Variants in CASK observed in about 807,000 individuals in gnomAD.
CASK encodes the protein calcium/calmodulin dependent serine protein kinase.
Under a neutral mutation model 82.9 loss-of-function variants are expected in CASK, and 4 were observed. The observed-to-expected ratio is 0.05, with a 90% CI of 0.02 to 0.11. The LOEUF (loss-of-function observed/expected upper bound fraction) is 0.11, where lower values mean the gene tolerates loss of function less well. Among genes scored for constraint, CASK ranks in the 10% least tolerant of loss-of-function variants. The pLI is 1.00. For synonymous variants in CASK, 259 were observed against 253.5 expected, an observed-to-expected ratio of 1.02 and a Z score of -0.20; for missense variants, 358 against 720.9, an observed-to-expected ratio of 0.50 and a Z score of 5.76.
intron 13 of CASK, chrX:41,587,817 G>C (rs764291377): frequency 8.9e-6 from 1 of 112,182 alleles, no homozygotes; most frequent in African/African-American, 3.2e-5. Context: ...TTCTTTTTCT[G>C]AGTAAACACC....
rs182427237 is a variant in CASK, at chrX:41,603,742, A to G, written c.1155+6162T>C. On this transcript the variant is annotated intron_variant, in intron 12 of 26. Coordinates refer to ENST00000378163, the MANE Select transcript of CASK (RefSeq NM_001367721.1). ...TGGGGGCATTTACTATGGAAACAGC[A>G]GTGCGTAACAAATGCTAACAGCTGT... Among the ~76,000 whole-genome samples, 31 of 112,119 alleles carry G rather than the reference A, an allele frequency of 2.8e-4. 1 individual carries two copies. Among genetic ancestry groups the G allele is most frequent in the Non-Finnish European group, 7.5e-5 (4 of 53,260 alleles).
intron 12 of CASK, among the ~76,000 whole-genome samples, chrX:41,608,985 T>C (rs747724880): frequency 8.9e-6 from 1 of 112,681 alleles, no homozygotes; most frequent in Non-Finnish European, 1.9e-5. Flanking sequence ...TGTACTCTAC[T>C]CTTTTTTAAA....
chrX:41,658,064 GAGCTTTTGAA>G (rs972048406), intron 8 of CASK, among the ~76,000 whole-genome samples: 8 of 111,652 alleles, frequency 7.2e-5, no homozygotes, highest in African/African-American at 2.6e-4. Context: ...AGGATTTGGG[GAGCTTTTGAA>G]TAGCTGTACA....
chrX:41,769,372 T>G (rs1312244467), intron 3 of CASK, among the ~76,000 whole-genome samples: 1 of 108,710 alleles, frequency 9.2e-6, no homozygotes, highest in African/African-American at 3.4e-5. Flanking sequence ...ATTTTTAAAC[T>G]TTTTTAGAGA....
chrX:41,822,557 C>CAAAAAAAAAAAA (rs61374081), intron 2 of CASK, among the ~76,000 whole-genome samples: 6 of 50,674 alleles, frequency 1.2e-4, no homozygotes, highest in Admixed American at 3.2e-4. Context: ...GACTCCGTCT[C>CAAAAAAAAAAAA]AAAAAAAAAA....
chrX:41,565,750 C>A (rs1393292913), intron 16 of CASK, among the ~76,000 whole-genome samples: 1 of 111,614 alleles, frequency 9.0e-6, no homozygotes, highest in Non-Finnish European at 1.9e-5. Context: ...CCAACATCAT[C>A]CTGATACCAA....
intron 5 of CASK, chrX:41,726,983 T>A (rs199858723): frequency 2.6e-6 from 2 of 757,318 alleles, no homozygotes; most frequent in Non-Finnish European, 3.8e-6. Context: ...TATCTGCAAT[T>A]CTATTCTAGC....
At position 41,569,730 on chromosome X, in the gene CASK, AT is replaced by A; in HGVS notation, c.1519del (p.Met507Ter). The A allele has an allele frequency of 8.8e-7, 1 of 1,136,400 alleles. No individual in the cohort carries two copies. Among genetic ancestry groups the A allele is most frequent in the Non-Finnish European group, 1.2e-6 (1 of 831,370 alleles). 93.7% of individuals were successfully genotyped at this position (1,136,400 alleles called of 1,213,427 possible). On this transcript the variant is annotated frameshift_variant, in exon 16 of 27. Coordinates refer to ENST00000378163, the MANE Select transcript of CASK (RefSeq NM_001367721.1). LOFTEE classifies it high-confidence loss of function. ...AACAATACAATGATTTAGTTCATTC[AT>A]TTTTAAAGTGATTCCCTGTTAAAAA... is the stretch of plus-strand genomic sequence containing the variant. ...TDEPMGITLK[M>X]NELNHCIVAR...
chrX:41,578,736 A>G (rs2065520826), intron 14 of CASK, among the ~76,000 whole-genome samples: 1 of 111,002 alleles, frequency 9.0e-6, no homozygotes, highest in Non-Finnish European at 1.9e-5. Context: ...CCACAGGTGC[A>G]TGCCACCACA....
intron 1 of CASK, among the ~76,000 whole-genome samples, chrX:41,887,070 T>G (rs933569614): frequency 9.0e-6 from 1 of 110,883 alleles, no homozygotes; most frequent in African/African-American, 3.3e-5. Flanking sequence ...ACAATGATAC[T>G]AGATTTTGCC....
chrX:41,760,593 T>C (rs949405487), intron 3 of CASK, among the ~76,000 whole-genome samples: 14 of 110,937 alleles, frequency 1.3e-4, no homozygotes, highest in African/African-American at 3.9e-4. Flanking sequence ...CAGGGTTTCA[T>C]GGGGTTAGGT....
At chrX:41,766,318 G>A (rs888739014) in intron 3 of CASK, among the ~76,000 whole-genome samples, 4 of 111,763 alleles carry the variant, frequency 3.6e-5, no homozygotes, top group Non-Finnish European at 7.5e-5. Flanking sequence ...AAGCAAATAA[G>A]TATATTAATG....
chrX:41,726,583 G>A (rs1197182993), intron 5 of CASK, among the ~76,000 whole-genome samples: 1 of 112,004 alleles, frequency 8.9e-6, no homozygotes, highest in African/African-American at 3.2e-5. Context: ...TATTGTGGCC[G>A]CAAAATACTT....
At chrX:41,831,983 A>C (rs1601881566) in intron 2 of CASK, among the ~76,000 whole-genome samples, 1 of 110,407 alleles carries the variant, frequency 9.1e-6, no homozygotes, top group African/African-American at 3.3e-5. Flanking sequence ...TAAATAAATA[A>C]ATAAAAAAGC....
At chrX:41,736,927 C>T (rs770117888) in intron 5 of CASK, among the ~76,000 whole-genome samples, 33 of 112,106 alleles carry the variant, frequency 2.9e-4, no homozygotes, top group African/African-American at 1.1e-3. Flanking sequence ...AATTATTTGT[C>T]TTTCTAAAGG....
At chrX:41,628,373 G>A (rs1054523360) in intron 9 of CASK, among the ~76,000 whole-genome samples, 2 of 111,681 alleles carry the variant, frequency 1.8e-5, no homozygotes, top group Non-Finnish European at 3.8e-5. Flanking sequence ...GCACAATCTC[G>A]GCTCTTTGCA....
At chrX:41,825,442 G>A (rs2070643492) in intron 2 of CASK, among the ~76,000 whole-genome samples, 1 of 112,019 alleles carries the variant, frequency 8.9e-6, no homozygotes, top group Non-Finnish European at 1.9e-5. Flanking sequence ...GTCACATATA[G>A]AATGAAAGGA....
intron 3 of CASK, among the ~76,000 whole-genome samples, chrX:41,784,643 C>T (rs113028010): frequency 3.6e-5 from 4 of 111,299 alleles, no homozygotes; most frequent in African/African-American, 9.8e-5. Flanking sequence ...TTTGGGAGGC[C>T]GAGGCGGGCA....
chrX:41,539,402 T>C (rs999048902), intron 22 of CASK, among the ~76,000 whole-genome samples: 11 of 112,307 alleles, frequency 9.8e-5, no homozygotes, highest in African/African-American at 3.6e-4. Context: ...TCTCAAAGAT[T>C]TGAAGCAGGA....
Sources: gnomAD v4.1 joint callset for allele counts (sites outside exome capture counted in the v4.1 genomes callset) on GRCh38, gnomAD v4.1.1 for gene constraint, MANE v1.5 for transcripts, NCBI Gene and HGNC (gene_info 2026-07-23, HGNC 2026-07-21) for gene names.